The following FBXO31 variants were observed in gnomAD, a reference collection of about 807,000 sequenced individuals.
The protein encoded by FBXO31 is F-box only protein 31.
FBXO31 carries 24 observed loss-of-function variants against 54.4 expected under a neutral mutation model. The ratio of observed to expected loss-of-function variants is 0.44; its 90% CI spans 0.32 to 0.62. The LOEUF (loss-of-function observed/expected upper bound fraction) is 0.62, where lower values mean the gene tolerates loss of function less well. FBXO31 is among the 20% of genes least tolerant of loss of function. The pLI is 0.05. For synonymous variants in FBXO31, 388 were observed against 335.6 expected (o/e 1.16, Z -1.71); for missense variants, 665 against 787.1 (o/e 0.84, Z 1.86).
At chr16:87,369,020 C>T (rs952803888) in intron 1 of FBXO31, among the ~76,000 whole-genome samples, 1 of 152,070 alleles carries the variant, frequency 6.6e-6, no homozygotes, top group African/African-American at 2.4e-5. Flanking sequence ...AACTCCTGAC[C>T]TCAAGTGATC....
chr16:87,336,032 G>A lies in FBXO31; in HGVS notation c.842+123C>T, dbSNP rs939089107. 27 of 706,700 alleles carry A rather than the reference G, an allele frequency of 3.8e-5. No individual in the cohort carries two copies. Among genetic ancestry groups the A allele is most frequent in the Non-Finnish European group, 5.9e-5 (25 of 425,138 alleles). 43.8% of individuals were successfully genotyped at this position (706,700 alleles called of 1,614,324 possible). On this transcript the variant is annotated intron_variant, in intron 6 of 8. Transcript: ENST00000311635. The surrounding 1 kb of genome is among the most constrained non-coding windows in gnomAD (Gnocchi z 6.5). ...TGTACTCCCAGCCCCCAGCAGGAGA[G>A]AGGGCTGAACCCCAGCACCCACTGA...
intron 5 of FBXO31, among the ~76,000 whole-genome samples, chr16:87,337,314 C>T (rs138793910): frequency 2.6e-5 from 4 of 152,334 alleles, no homozygotes; most frequent in South Asian, 2.1e-4. Flanking sequence ...AGAGATGCCA[C>T]GTGTGGGGTC....
At chr16:87,332,095 T>G (rs1904879573) in intron 8 of FBXO31, among the ~76,000 whole-genome samples, 1 of 152,150 alleles carries the variant, frequency 6.6e-6, no homozygotes, top group South Asian at 2.1e-4. Context: ...TGACGAGAAG[T>G]AAGGGGCTGG....
In FBXO31 at chr16:87,383,423, T is replaced by G. The variant is rs144701197; in HGVS notation, c.322A>C (p.Arg108=). The part of the protein sequence containing the change: ...RRILHTDTIW[R]RRCREEYGVC... ...CGCTCACCCTCACGGCAACGCCTCCTCCAGATGGTGTCGGTGTGGAGGATG... is the reference window on the plus strand; with the variant it reads ...CGCTCACCCTCACGGCAACGCCTCCGCCAGATGGTGTCGGTGTGGAGGATG... The change falls in exon 1 of 9, where the codon AGG becomes CGG. Residue 108 remains arginine, a synonymous_variant. Coordinates refer to ENST00000311635, the MANE Select transcript of FBXO31 (RefSeq NM_024735.5). The surrounding 1 kb of genome is among the most constrained non-coding windows in gnomAD (Gnocchi z 4.9). The G allele has an allele frequency of 5.5e-4, 837 of 1,525,250 alleles. 1 individual carries two copies. The highest frequency in any genetic ancestry group is 6.7e-4 in the Non-Finnish European group (758 of 1,134,736). 94.5% of individuals were successfully genotyped at this position (1,525,250 alleles called of 1,614,324 possible). A position where few individuals can be genotyped will look rare whatever the true frequency, so the allele number is the denominator to read the frequency against.
At position 87,330,620 on chromosome 16, in the gene FBXO31, G is replaced by C. The variant is rs1235097967; in HGVS notation, c.*668C>G. 6.6e-6 allele frequency: 1 copy of C among 152,436 alleles called. No individual in the cohort carries two copies. The highest frequency in any genetic ancestry group is 1.5e-5 in the Non-Finnish European group (1 of 68,214). The allele number at this position is 152,436 out of a possible 1,614,324, so 9.4% of individuals were successfully genotyped here. A position where few individuals can be genotyped will look rare whatever the true frequency, so the allele number is the denominator to read the frequency against. The stretch of plus-strand genomic sequence containing the variant: ...TCAGGTGACATTCCCTAGTGACTCA[G>C]GTCACTAAACCCACTCCACAGGTGG... On this transcript the variant is annotated 3_prime_UTR_variant, in exon 9 of 9. Transcript: ENST00000311635.
In FBXO31 at chr16:87,335,367, G is replaced by A. The variant is rs1402019531; in HGVS notation, c.933C>T (p.Ser311=). 1 of 1,613,958 alleles carries A rather than the reference G, an allele frequency of 6.2e-7. No individual in the cohort carries two copies. Among genetic ancestry groups the A allele is most frequent in the Admixed American group, 1.7e-5 (1 of 60,028 alleles). The part of the protein sequence containing the change: ...KPGLFKGTYG[S]HGLEIVMLSF... The stretch of plus-strand genomic sequence containing the variant: ...TGAGCATCACAATCTCCAGGCCGTG[G>A]CTGCCATAGGTACCTTTGAAGAGGC... Residue 311 remains serine (S), a synonymous_variant, in exon 7 of 9, where the codon AGC becomes AGT. Transcript: ENST00000311635. The surrounding 1 kb of genome is among the most constrained non-coding windows in gnomAD (Gnocchi z 5.7).
Position 87,331,172 on chromosome 16 carries a change from C to A in FBXO31, c.*116G>T, listed in dbSNP as rs574805484. ...GGGGTGGCTGGACTGGGCCCCCCGA[C>A]GAGGTGTGCGTTCTGGTCAAAAGGC... On this transcript the variant is annotated 3_prime_UTR_variant, in exon 9 of 9. Coordinates refer to ENST00000311635, the MANE Select transcript of FBXO31 (RefSeq NM_024735.5). The A allele has an allele frequency of 4.1e-6, 4 of 980,334 alleles. No individual in the cohort carries two copies. Among genetic ancestry groups the A allele is most frequent in the Non-Finnish European group, 4.6e-6 (3 of 650,946 alleles). 60.7% of individuals were successfully genotyped at this position (980,334 alleles called of 1,614,324 possible).
chr16:87,341,580 G>C (rs555846236), intron 5 of FBXO31, among the ~76,000 whole-genome samples: 1 of 149,714 alleles, frequency 6.7e-6, no homozygotes, highest in African/African-American at 2.5e-5. Context: ...TGCCTGAACC[G>C]GGAAGGCGGA....
At chr16:87,339,416 C>T (rs554650056) in intron 5 of FBXO31, among the ~76,000 whole-genome samples, 8 of 152,316 alleles carry the variant, frequency 5.3e-5, no homozygotes, top group East Asian at 1.9e-4. Flanking sequence ...AGAAAAGCAG[C>T]GAGGACACTG....
rs1905048656 is a variant in FBXO31, at chr16:87,336,436, G to A, written c.733-172C>T. Among the ~76,000 whole-genome samples the A allele has an allele frequency of 6.6e-6, 1 of 152,212 alleles. No individual in the cohort carries two copies. The highest frequency in any genetic ancestry group is 1.5e-5 in the Non-Finnish European group (1 of 68,036). ...GGCGCTGGGAAGAGAAAGGGGAGCT[G>A]CCGGATTTGACCCCACGTCAGAGGT... On this transcript the variant is annotated intron_variant, in intron 5 of 8. Transcript: ENST00000311635. The surrounding 1 kb of genome is among the most constrained non-coding windows in gnomAD (Gnocchi z 6.5).
At chr16:87,387,875 A>G (rs2150704521), upstream of FBXO31, among the ~76,000 whole-genome samples, 1 of 152,324 alleles carries the variant, frequency 6.6e-6, no homozygotes, top group South Asian at 2.1e-4. Context: ...TCCGGATGTG[A>G]AAAAATGGGA....
chr16:87,343,536 G>C, intron 4 of FBXO31, 62 bp downstream of exon 4: 1 of 1,537,114 alleles, frequency 6.5e-7, no homozygotes, highest in Non-Finnish European at 8.8e-7. Flanking sequence ...CGGCAGGCCT[G>C]GCTGGAGCCC....
intron 1 of FBXO31, among the ~76,000 whole-genome samples, chr16:87,374,949 G>A (rs1906757214): frequency 6.6e-6 from 1 of 152,146 alleles, no homozygotes; most frequent in Non-Finnish European, 1.5e-5. Flanking sequence ...TTGAGAGGCC[G>A]GGGTGGGCAG....
At chr16:87,382,019 C>G (rs1907100621) in intron 1 of FBXO31, among the ~76,000 whole-genome samples, 1 of 148,538 alleles carries the variant, frequency 6.7e-6, no homozygotes, top group African/African-American at 2.5e-5. Context: ...AGTGAGACTC[C>G]GTCTCAAAAA....
rs149824347 is a variant in FBXO31, at chr16:87,348,961, G to A, written c.413-1711C>T. ...CTCGGTAGGAGGAGCAGCAGACCAA[G>A]CCTCGGCAGCAGGAGGCACATAAGT... On this transcript the variant is annotated intron_variant, in intron 2 of 8. Transcript: ENST00000311635. 1.7e-3 allele frequency among the ~76,000 whole-genome samples: 264 copies of A among 152,348 alleles called. 1 individual carries two copies. The highest frequency in any genetic ancestry group is 5.9e-3 in the African/African-American group (245 of 41,566).
At position 87,338,157 on chromosome 16, in the gene FBXO31, AC is replaced by A. The variant is rs1905087454; in HGVS notation, c.733-1894del. ...TCCAAGCAACGGGACCACCAACCAG[AC>A]CCTGTTACCCAGAATAAGGCCGTCC... On this transcript the variant is annotated intron_variant, in intron 5 of 8. Transcript: ENST00000311635. This position sits in a 1 kb window ranked among gnomAD's most constrained non-coding sequence, Gnocchi z 4.3. 6.6e-6 allele frequency among the ~76,000 whole-genome samples: 1 copy of A among 151,276 alleles called. No individual in the cohort carries two copies. Among genetic ancestry groups the A allele is most frequent in the South Asian group, 2.1e-4 (1 of 4,790 alleles).
chr16:87,377,740 G>C (rs1186019749), intron 1 of FBXO31, among the ~76,000 whole-genome samples: 3 of 150,948 alleles, frequency 2.0e-5, no homozygotes. Context: ...GAGGTGGGAG[G>C]ATTACTTCAG....
intron 8 of FBXO31, among the ~76,000 whole-genome samples, chr16:87,332,831 C>T (rs1416038074): frequency 6.6e-6 from 1 of 152,126 alleles, no homozygotes; most frequent in Non-Finnish European, 1.5e-5. Context: ...CACATAGTGG[C>T]TTGGAGGTAA....
intron 1 of FBXO31, among the ~76,000 whole-genome samples, chr16:87,378,254 T>G (rs1376910496): frequency 6.6e-6 from 1 of 151,896 alleles, no homozygotes; most frequent in Non-Finnish European, 1.5e-5. Flanking sequence ...AAATGAAAGA[T>G]AAATAAAATA....
Sources: allele counts gnomAD v4.1 joint callset (sites outside exome capture counted in the v4.1 genomes callset), GRCh38; gene constraint gnomAD v4.1.1; non-coding constraint Gnocchi (gnomAD v3.1); transcripts MANE v1.5; gene names NCBI Gene and HGNC (gene_info 2026-07-23, HGNC 2026-07-21).